Variants in HHAT observed in about 807,000 individuals in gnomAD.
HHAT encodes the protein protein-cysteine N-palmitoyltransferase HHAT.
A neutral mutation model predicts 70.8 loss-of-function variants in HHAT; 47 were observed. The observed-to-expected ratio is 0.66, with a 90% CI of 0.53 to 0.85. The LOEUF (loss-of-function observed/expected upper bound fraction) is 0.85. HHAT is among the 40% of genes least tolerant of loss of function. HHAT has a pLI of 0.00. For missense variants in HHAT, 609 were observed against 604.8 expected, an observed-to-expected ratio of 1.01 and a Z score of -0.07; for synonymous variants, 228 against 247.6, an observed-to-expected ratio of 0.92 and a Z score of 0.74.
At chr1:210,652,262 C>G in intron 11 of HHAT, among the ~76,000 whole-genome samples, 1 of 152,286 alleles carries the variant, frequency 6.6e-6, no homozygotes, top group Non-Finnish European at 1.5e-5. Context: ...AAATTCTTAT[C>G]TCTAGCTCTC....
intron 8 of HHAT, among the ~76,000 whole-genome samples, chr1:210,491,089 G>A (rs2094545690): frequency 6.6e-6 from 1 of 151,032 alleles, no homozygotes; most frequent in Middle Eastern, 3.2e-3. Flanking sequence ...GTGTGTGTCT[G>A]TGTGTCTGCT....
At chr1:210,637,021 G>A (rs1671990433) in intron 11 of HHAT, among the ~76,000 whole-genome samples, 1 of 152,104 alleles carries the variant, frequency 6.6e-6, no homozygotes, top group African/African-American at 2.4e-5. Context: ...ATTCCCACCT[G>A]TAAATTGAGA....
rs777475000 is a variant in HHAT at position 210,387,479 on chromosome 1, CTT to C, written c.173_174del (p.Phe58Ter). 1 of 1,614,014 alleles carries C rather than the reference CTT, an allele frequency of 6.2e-7. No homozygotes were observed. Among genetic ancestry groups the C allele is most frequent in the Non-Finnish European group, 8.5e-7 (1 of 1,179,930 alleles). On this transcript the variant is annotated frameshift_variant, in exon 4 of 12. Coordinates refer to ENST00000261458, the MANE Select transcript of HHAT (RefSeq NM_018194.6). LOFTEE classifies it high-confidence loss of function. ...TTTGTCCTATTTAGGATGCGACCGACTTTGAGTGGAGCTTCTGGATGGAATGG... is the reference window on the plus strand; with the variant it reads ...TTTGTCCTATTTAGGATGCGACCGACTGAGTGGAGCTTCTGGATGGAATGG... Reference protein sequence around the residue: ...FGGLKKDATDFEWSFWMEWGK... With the variant: ...FGGLKKDATDXEWSFWMEWGK...
At chr1:210,560,833 A>ACC (rs2095615863) in intron 9 of HHAT, among the ~76,000 whole-genome samples, 1 of 144,376 alleles carries the variant, frequency 6.9e-6, no homozygotes, top group Admixed American at 6.8e-5. Flanking sequence ...AAAAAAAAAA[A>ACC]AAAAAAAAAA....
At chr1:210,337,047 A>G (rs999295133) in intron 1 of HHAT, among the ~76,000 whole-genome samples, 2 of 152,192 alleles carry the variant, frequency 1.3e-5, no homozygotes, top group African/African-American at 2.4e-5. Flanking sequence ...CCTTTTGCCA[A>G]TCTTTAATGG....
rs964105508 is a variant in HHAT, at chr1:210,633,122, G to T, written c.1390+9452G>T. On this transcript the variant is annotated intron_variant, in intron 11 of 11. Transcript: ENST00000261458. ...TAGTATTTGGTTCTGGCTGCCCTAG[G>T]GAATGAATATAGGGAGGATTCTGTT... is the stretch of plus-strand genomic sequence containing the variant. Among the ~76,000 whole-genome samples, 4 of 152,316 alleles carry T rather than the reference G, an allele frequency of 2.6e-5. No individual in the cohort carries two copies. In the South Asian group the frequency reaches 8.3e-4, roughly 32 times the overall value.
chr1:210,459,043 C>T (rs2093926465), intron 7 of HHAT, among the ~76,000 whole-genome samples: 1 of 152,144 alleles, frequency 6.6e-6, no homozygotes. Flanking sequence ...GGGGGAGAAG[C>T]TAAATTCTGT....
intron 8 of HHAT, among the ~76,000 whole-genome samples, chr1:210,493,887 G>A (rs1479632371): frequency 1.3e-5 from 2 of 152,164 alleles, no homozygotes; most frequent in Non-Finnish European, 2.9e-5. Flanking sequence ...CCCCACCTCA[G>A]CCTGGTTGTT....
chr1:210,652,522 A>AT lies in HHAT; in HGVS notation c.1391-21764dup, dbSNP rs1482561707. ...CCTGGAGACATCAAGGTGCCCGGCC[A>AT]TTGTAAACTGCTCCCAGCCAAGCAG... On this transcript the variant is annotated intron_variant, in intron 11 of 11. Coordinates refer to ENST00000261458, the MANE Select transcript of HHAT (RefSeq NM_018194.6). Among the ~76,000 whole-genome samples, 6 of 152,196 alleles carry AT rather than the reference A, an allele frequency of 3.9e-5. No individual in the cohort carries two copies. In the South Asian group the frequency reaches 1.2e-3, roughly 31 times the overall value.
intron 3 of HHAT, among the ~76,000 whole-genome samples, chr1:210,385,869 TGTAAG>T (rs1452593092): frequency 6.6e-6 from 1 of 152,172 alleles, no homozygotes; most frequent in Non-Finnish European, 1.5e-5. Context: ...CAAAAATCCC[TGTAAG>T]GTAAGTACTA....
At chr1:210,589,683 G>A (rs1661235166) in intron 10 of HHAT, 1 of 152,212 alleles carries the variant, frequency 6.6e-6, no homozygotes, top group African/African-American at 2.4e-5. Flanking sequence ...AATAATTTTA[G>A]AAATCTAAAA....
intron 10 of HHAT, among the ~76,000 whole-genome samples, chr1:210,616,622 A>C (rs1335486132): frequency 1.3e-5 from 2 of 152,222 alleles, no homozygotes; most frequent in African/African-American, 2.4e-5. Flanking sequence ...TGTGTATGGC[A>C]CTCAAGAGGC....
intron 8 of HHAT, among the ~76,000 whole-genome samples, chr1:210,501,012 C>G (rs2094742921): frequency 6.6e-6 from 1 of 152,246 alleles, no homozygotes; most frequent in Non-Finnish European, 1.5e-5. Context: ...TGCCCTCCCC[C>G]ATGCTGGTAA....
chr1:210,464,623 G>A lies in HHAT; in HGVS notation c.975G>A (p.Val325=). 3 of 1,614,182 alleles carry A rather than the reference G, an allele frequency of 1.9e-6. No individual in the cohort carries two copies. Among genetic ancestry groups the A allele is most frequent in the Non-Finnish European group, 2.5e-6 (3 of 1,180,012 alleles). The change falls in exon 8 of 12, where the codon GTG becomes GTA. Residue 325 remains valine (V), a synonymous_variant. Transcript: ENST00000261458. ...GLTPPALPRC[V]STMFSFTGMW... is the part of the protein sequence containing the mutation. ...CTCCACCCGCCCTCCCCCGCTGCGT[G>A]AGCACCATGTTCAGTTTCACCGGGA...
chr1:210,338,243 G>C (rs1418230143), intron 1 of HHAT, among the ~76,000 whole-genome samples: 1 of 152,134 alleles, frequency 6.6e-6, no homozygotes, highest in Non-Finnish European at 1.5e-5. Flanking sequence ...GGGAGGCTGA[G>C]ATGGAAGGAT....
intron 1 of HHAT, among the ~76,000 whole-genome samples, chr1:210,338,048 ACAGG>A (rs1310289697): frequency 6.6e-6 from 1 of 152,194 alleles, no homozygotes. Flanking sequence ...GAGTCAACTG[ACAGG>A]CAGAGGATCT....
intron 9 of HHAT, among the ~76,000 whole-genome samples, chr1:210,587,365 C>T (rs992459608): frequency 2.0e-5 from 3 of 152,148 alleles, no homozygotes; most frequent in Non-Finnish European, 4.4e-5. Context: ...CATCAGATCT[C>T]GTGTGAGACT....
At chr1:210,348,729 A>ATGTGTGTGTGTG (rs1224033253) in intron 1 of HHAT, among the ~76,000 whole-genome samples, 36 of 72,264 alleles carry the variant, frequency 5.0e-4, no homozygotes, top group Non-Finnish European at 8.6e-4. Flanking sequence ...TGTGTGGTGT[A>ATGTGTGTGTGTG]TGTGTGCGTG....
chr1:210,619,203 C>T (rs765940941), intron 10 of HHAT, among the ~76,000 whole-genome samples: 26 of 152,140 alleles, frequency 1.7e-4, no homozygotes, highest in Non-Finnish European at 2.2e-4. Flanking sequence ...CACCCCCTGT[C>T]ATGTACCGTA....
Sources: gnomAD v4.1 joint callset for allele counts (sites outside exome capture counted in the v4.1 genomes callset) on GRCh38, gnomAD v4.1.1 for gene constraint, MANE v1.5 for transcripts, NCBI Gene and HGNC (gene_info 2026-07-23, HGNC 2026-07-21) for gene names.